The following ZNF385D variants were observed in gnomAD, a reference collection of about 807,000 sequenced individuals.
The protein encoded by ZNF385D is zinc finger protein 385D.
A neutral mutation model predicts 35.8 loss-of-function variants in ZNF385D; 15 were observed. The observed-to-expected ratio is 0.42, with a 90% CI of 0.28 to 0.64. The LOEUF (loss-of-function observed/expected upper bound fraction) is 0.64, where lower values mean the gene tolerates loss of function less well. Among genes scored for constraint, ZNF385D ranks in the 30% least tolerant of loss-of-function variants. The pLI is 0.23. For missense variants in ZNF385D, 474 were observed against 494.6 expected (o/e 0.96, Z 0.39); for synonymous variants, 212 against 186.8 (o/e 1.13, Z -1.10).
chr3:21,973,749 T>C (rs1004507116), intron 3 of ZNF385D, among the ~76,000 whole-genome samples: 6 of 151,980 alleles, frequency 3.9e-5, no homozygotes, highest in African/African-American at 1.2e-4. Flanking sequence ...AATATCAACA[T>C]GCAAAAATCA....
intron 3 of ZNF385D, among the ~76,000 whole-genome samples, chr3:21,552,867 A>C (rs1575161445): frequency 6.6e-6 from 1 of 152,314 alleles, no homozygotes; most frequent in South Asian, 2.1e-4. Context: ...TAAAGTTGTT[A>C]ATCAGCTGAC....
intron 2 of ZNF385D, among the ~76,000 whole-genome samples, chr3:21,611,026 A>C (rs2064660810): frequency 6.6e-6 from 1 of 152,198 alleles, no homozygotes; most frequent in South Asian, 2.1e-4. Flanking sequence ...CCTTTTCTAT[A>C]AGCAACTTAC....
rs568129111 is a variant in ZNF385D at position 21,512,462 on chromosome 3, G to T, written c.277-1439C>A. ...CATTACAGAACCTGTGATAACTAGG[G>T]TGTTGCAATATAATATGTTTTAACA... On this transcript the variant is annotated intron_variant, in intron 3 of 7. Coordinates refer to ENST00000281523, the MANE Select transcript of ZNF385D (RefSeq NM_024697.3). Among the ~76,000 whole-genome samples the T allele has an allele frequency of 6.0e-4, 92 of 152,216 alleles. 1 individual carries two copies. Among genetic ancestry groups the T allele is most frequent in the South Asian group, 5.6e-3 (27 of 4,820 alleles).
At chr3:21,790,390 A>T (rs944281677) in intron 3 of ZNF385D, among the ~76,000 whole-genome samples, 15 of 152,178 alleles carry the variant, frequency 9.9e-5, no homozygotes, top group African/African-American at 3.6e-4. Flanking sequence ...GATTTTACTT[A>T]TGTAGAACTA....
intron 3 of ZNF385D, among the ~76,000 whole-genome samples, chr3:21,922,006 A>C (rs1362276014): frequency 6.6e-6 from 1 of 152,230 alleles, no homozygotes; most frequent in African/African-American, 2.4e-5. Flanking sequence ...TGAAGGCACC[A>C]TCACCATGAT....
intron 3 of ZNF385D, among the ~76,000 whole-genome samples, chr3:22,125,521 A>G (rs1703374863): frequency 6.6e-6 from 1 of 152,060 alleles, no homozygotes; most frequent in African/African-American, 2.4e-5. Flanking sequence ...ACATTTTAAC[A>G]ATATTATTTT....
chr3:21,910,675 C>G (rs1420913131), intron 3 of ZNF385D, among the ~76,000 whole-genome samples: 1 of 151,204 alleles, frequency 6.6e-6, no homozygotes, highest in African/African-American at 2.4e-5. Flanking sequence ...ATTGATAGGT[C>G]AAAATATGAA....
chr3:21,449,641 G>C (rs1041170490), intron 4 of ZNF385D, among the ~76,000 whole-genome samples: 4 of 152,048 alleles, frequency 2.6e-5, no homozygotes, highest in African/African-American at 7.2e-5. Context: ...TTTTAAAATT[G>C]TTAATTTTCT....
intron 3 of ZNF385D, among the ~76,000 whole-genome samples, chr3:21,841,826 G>T (rs140633283): frequency 1.3e-5 from 2 of 151,316 alleles, no homozygotes; most frequent in Admixed American, 1.3e-4. Context: ...TTGTAAATTC[G>T]CAATTCATAC....
At chr3:22,365,977 T>A (rs1237115595) in intron 2 of ZNF385D, among the ~76,000 whole-genome samples, 1 of 152,270 alleles carries the variant, frequency 6.6e-6, no homozygotes, top group South Asian at 2.1e-4. Context: ...AGTTGGGGAT[T>A]CAGGATTTTT....
intron 2 of ZNF385D, among the ~76,000 whole-genome samples, chr3:22,286,888 T>G (rs200320909): frequency 6.6e-6 from 1 of 152,104 alleles, no homozygotes; most frequent in East Asian, 1.9e-4. Context: ...GTTGGTTAGA[T>G]CCATCTGCTG....
chr3:22,086,735 A>G (rs1236025324), intron 3 of ZNF385D, among the ~76,000 whole-genome samples: 4 of 152,194 alleles, frequency 2.6e-5, no homozygotes, highest in Non-Finnish European at 5.9e-5. Context: ...CATATACACC[A>G]TGGAATACTA....
At chr3:21,423,865 C>T (rs1302417307) in intron 7 of ZNF385D, 98 bp downstream of exon 7, 2 of 1,109,148 alleles carry the variant, frequency 1.8e-6, no homozygotes, top group Non-Finnish European at 2.6e-6. Context: ...GTAAAAGGTA[C>T]TGGGCTGTGG....
chr3:22,085,662 T>C (rs1298145778), intron 3 of ZNF385D, among the ~76,000 whole-genome samples: 1 of 152,106 alleles, frequency 6.6e-6, no homozygotes, highest in African/African-American at 2.4e-5. Context: ...GAGGAGCTGG[T>C]ACCATTTCTT....
At chr3:21,848,463 T>C (rs947246012) in intron 3 of ZNF385D, among the ~76,000 whole-genome samples, 7 of 150,524 alleles carry the variant, frequency 4.7e-5, no homozygotes, top group Non-Finnish European at 1.0e-4. Context: ...TAAAATTGAG[T>C]TGGTTTTTTA....
At chr3:21,809,482 G>A (rs553525115) in intron 3 of ZNF385D, among the ~76,000 whole-genome samples, 16 of 151,762 alleles carry the variant, frequency 1.1e-4, no homozygotes, top group Middle Eastern at 3.5e-3. Flanking sequence ...TCTATAATGT[G>A]GTAAGGCTTT....
chr3:21,592,563 C>CAAAAAAAA (rs200460514), intron 2 of ZNF385D, among the ~76,000 whole-genome samples: 4 of 92,356 alleles, frequency 4.3e-5, no homozygotes, highest in Admixed American at 1.2e-4. Flanking sequence ...AAACCAAAAA[C>CAAAAAAAA]AAAAAAAAAA....
intron 3 of ZNF385D, among the ~76,000 whole-genome samples, chr3:21,516,667 A>T (rs1707586973): frequency 6.6e-6 from 1 of 152,146 alleles, no homozygotes; most frequent in South Asian, 2.1e-4. Flanking sequence ...CTGAAGTCAA[A>T]GTCATCTCTT....
chr3:21,626,603 G>A (rs943601672), intron 2 of ZNF385D, among the ~76,000 whole-genome samples: 1 of 152,042 alleles, frequency 6.6e-6, no homozygotes, highest in African/African-American at 2.4e-5. Context: ...TACTATATGG[G>A]TGGCCAGCCT....
Sources: gnomAD v4.1 joint callset for allele counts (sites outside exome capture counted in the v4.1 genomes callset) on GRCh38, gnomAD v4.1.1 for gene constraint, MANE v1.5 for transcripts, NCBI Gene and HGNC (gene_info 2026-07-23, HGNC 2026-07-21) for gene names.